The following DNAH14 variants were observed in gnomAD, a reference collection of about 807,000 sequenced individuals.
DNAH14 encodes dynein axonemal heavy chain 14.
Under a neutral mutation model 520.9 loss-of-function variants are expected in DNAH14, and 478 were observed. That is an observed-to-expected ratio of 0.92 (90% CI 0.85 to 0.99). The LOEUF (loss-of-function observed/expected upper bound fraction) is 0.99. Ranked by LOEUF, DNAH14 falls within the 50% of genes least tolerant of loss-of-function variation. DNAH14 has a pLI of 0.00. For missense variants in DNAH14, 4,831 were observed against 5,234.5 expected, an observed-to-expected ratio of 0.92 and a Z score of 2.38; for synonymous variants, 1,581 against 1,757.2, an observed-to-expected ratio of 0.90 and a Z score of 2.51.
chr1:225,308,688 C>T (rs941397295), intron 60 of DNAH14, among the ~76,000 whole-genome samples: 6 of 152,240 alleles, frequency 3.9e-5, no homozygotes, highest in African/African-American at 1.2e-4. Flanking sequence ...CTCATGCAGG[C>T]CATACCAAAA....
rs2125600906 is a variant in DNAH14, at chr1:224,967,433, A to C, written c.501A>C (p.Lys167Asn). Residue 167 changes from lysine to asparagine, a missense_variant and splice_region_variant, in exon 6 of 86, where the codon AAA (lysine) becomes AAC (asparagine). Lys to Asn is a moderately conservative substitution (Grantham distance 94). Transcript: ENST00000682510. ...KIAIQKITLK[K>N]PLEDDGEFVY... Reference sequence around the variant, plus strand: ...TATTATTTTTTTTTTAATCTCAGAAACCTTTGGAAGATGATGGAGAATTTG... The same window carrying C: ...TATTATTTTTTTTTTAATCTCAGAACCCTTTGGAAGATGATGGAGAATTTG... 1 of 1,529,374 alleles carries C rather than the reference A, an allele frequency of 6.5e-7. No homozygotes were observed. The highest frequency in any genetic ancestry group is 8.7e-7 in the Non-Finnish European group (1 of 1,147,636). The allele number at this position is 1,529,374 out of a possible 1,614,324, so 94.7% of individuals were successfully genotyped here. A position where few individuals can be genotyped will look rare whatever the true frequency, so the allele number is the denominator to read the frequency against.
In DNAH14 at chr1:225,340,526, C is replaced by G; in HGVS notation, c.10503C>G (p.Ile3501Met). 1 of 1,551,330 alleles carries G rather than the reference C, an allele frequency of 6.4e-7. No homozygotes were observed. Among genetic ancestry groups the G allele is most frequent in the Non-Finnish European group, 8.7e-7 (1 of 1,146,822 alleles). Residue 3501 changes from isoleucine (I) to methionine (M), a missense_variant, in exon 69 of 86, where the codon ATC (isoleucine) becomes ATG (methionine). Ile to Met is a conservative substitution (Grantham distance 10, BLOSUM62 1). Coordinates refer to ENST00000682510, the MANE Select transcript of DNAH14 (RefSeq NM_001367479.1). ...CAGTTTATAACTTTGTTACTATGAT[C>G]AACTTCACTGTAACATTCCAAGGTT... ...LPSVYNFVTMINFTVTFQGLQ... is the reference protein window; with the variant it reads ...LPSVYNFVTMMNFTVTFQGLQ...
chr1:225,346,320 A>G lies in DNAH14; in HGVS notation c.11037A>G (p.Lys3679=). ...AAGAACCCAACCTGGAAAATGAGAA[A>G]AATCTCTTAGATAAGCATATTAAAA... is the stretch of plus-strand genomic sequence containing the variant. ...ISKEPNLENE[K]NLLDKHIKSA... Residue 3679 remains lysine, a synonymous_variant, in exon 70 of 86, where the codon AAA becomes AAG. Coordinates refer to ENST00000682510, the MANE Select transcript of DNAH14 (RefSeq NM_001367479.1). 2 of 1,541,436 alleles carry G rather than the reference A, an allele frequency of 1.3e-6. No individual in the cohort carries two copies. Among genetic ancestry groups the G allele is most frequent in the Non-Finnish European group, 1.7e-6 (2 of 1,144,484 alleles).
chr1:225,365,180 C>G (rs1243595834), intron 76 of DNAH14, among the ~76,000 whole-genome samples: 1 of 152,126 alleles, frequency 6.6e-6, no homozygotes. Context: ...TTTTCCTGCC[C>G]TTCACTTCTC....
intron 27 of DNAH14, among the ~76,000 whole-genome samples, chr1:225,135,449 T>C (rs1314802778): frequency 6.6e-6 from 1 of 152,200 alleles, no homozygotes; most frequent in Admixed American, 6.5e-5. Flanking sequence ...TCAATTTCTA[T>C]GTAGTTGTAT....
At chr1:225,356,112 A>G (rs1368689168) in intron 73 of DNAH14, among the ~76,000 whole-genome samples, 1 of 152,192 alleles carries the variant, frequency 6.6e-6, no homozygotes, top group Non-Finnish European at 1.5e-5. Flanking sequence ...GAGAGACAAC[A>G]AAGGTTTGTT....
intron 1 of DNAH14, among the ~76,000 whole-genome samples, chr1:224,931,771 C>A (rs2058714410): frequency 6.6e-6 from 1 of 152,152 alleles, no homozygotes; most frequent in Non-Finnish European, 1.5e-5. Context: ...TATGTTACTG[C>A]AAATGATGTG....
chr1:225,206,946 A>G, intron 40 of DNAH14, 22 bp from the exon 41 acceptor site: 1 of 1,447,108 alleles, frequency 6.9e-7, no homozygotes, highest in Non-Finnish European at 9.1e-7. Flanking sequence ...ACATAAGATT[A>G]TATTTTGCTC....
At chr1:225,273,475 T>C (rs1197850818) in intron 52 of DNAH14, among the ~76,000 whole-genome samples, 1 of 152,220 alleles carries the variant, frequency 6.6e-6, no homozygotes. Flanking sequence ...AAGTGGATTA[T>C]TGGGCAAAAA....
intron 38 of DNAH14, among the ~76,000 whole-genome samples, chr1:225,196,330 C>T (rs980272179): frequency 2.6e-5 from 4 of 152,116 alleles, no homozygotes; most frequent in Non-Finnish European, 5.9e-5. Context: ...TCATGCAGAG[C>T]TCTGTGAATG....
At chr1:225,396,078 G>A (rs974745424) in intron 84 of DNAH14, 1 of 152,208 alleles carries the variant, frequency 6.6e-6, no homozygotes, top group African/African-American at 2.4e-5. Context: ...GACACATGCA[G>A]TTGATCTAAA....
intron 72 of DNAH14, among the ~76,000 whole-genome samples, chr1:225,353,078 CT>C (rs2095389310): frequency 3.3e-5 from 5 of 151,964 alleles, no homozygotes; most frequent in Admixed American, 3.3e-4. Flanking sequence ...GTATCATGAA[CT>C]TTTTTTAAGA....
chr1:225,324,470 A>T, intron 63 of DNAH14, 117 bp downstream of exon 63: 1 of 1,325,196 alleles, frequency 7.5e-7, no homozygotes, highest in South Asian at 1.5e-5. Flanking sequence ...ACCTAAGGAG[A>T]AACACTTTAA....
intron 61 of DNAH14, among the ~76,000 whole-genome samples, chr1:225,321,972 A>G (rs1439472284): frequency 6.6e-6 from 1 of 152,012 alleles, no homozygotes; most frequent in Non-Finnish European, 1.5e-5. Context: ...ACGCATACAC[A>G]TGTACAGTGT....
chr1:225,161,322 A>G (rs1361646982), intron 35 of DNAH14, among the ~76,000 whole-genome samples: 1 of 152,154 alleles, frequency 6.6e-6, no homozygotes, highest in African/African-American at 2.4e-5. Flanking sequence ...GACCGGTTCC[A>G]TCTATGTTGT....
chr1:224,996,299 G>A (rs1217648861), intron 8 of DNAH14, among the ~76,000 whole-genome samples: 1 of 151,620 alleles, frequency 6.6e-6, no homozygotes, highest in Non-Finnish European at 1.5e-5. Context: ...GACCACAGGT[G>A]CATGCCACCA....
chr1:225,394,838 T>C (rs927995741), intron 84 of DNAH14, among the ~76,000 whole-genome samples: 2 of 142,954 alleles, frequency 1.4e-5, no homozygotes, highest in African/African-American at 5.2e-5. Context: ...AGAGAGACTC[T>C]GTCTAAAAAA....
chr1:225,230,124 T>A (rs1237631884), intron 41 of DNAH14, among the ~76,000 whole-genome samples: 2 of 152,206 alleles, frequency 1.3e-5, no homozygotes, highest in African/African-American at 4.8e-5. Flanking sequence ...AAATAAATAA[T>A]CAGAGAAGCA....
chr1:225,331,615 C>G (rs932345250), intron 65 of DNAH14, 38 bp downstream of exon 65: 2 of 1,550,230 alleles, frequency 1.3e-6, no homozygotes, highest in Admixed American at 2.0e-5. Context: ...GTCCATAATT[C>G]CTACTGGGCC....
Sources: gnomAD v4.1 joint callset for allele counts (sites outside exome capture counted in the v4.1 genomes callset) on GRCh38, gnomAD v4.1.1 for gene constraint, MANE v1.5 for transcripts, NCBI Gene and HGNC (gene_info 2026-07-23, HGNC 2026-07-21) for gene names.